The following ZSCAN5C variants were observed in gnomAD, a reference collection of about 807,000 sequenced individuals.
ZSCAN5C encodes zinc finger and SCAN domain containing 5C.
Under a neutral mutation model 17.3 loss-of-function variants are expected in ZSCAN5C, and 11 were observed. That is an observed-to-expected ratio of 0.64 (90% CI 0.40 to 1.06). The LOEUF is 1.06. Ranked by LOEUF, ZSCAN5C falls within the 50% of genes least tolerant of loss-of-function variation. The pLI, the probability that ZSCAN5C is intolerant of heterozygous loss-of-function variation, is 0.00. For synonymous variants in ZSCAN5C, 229 were observed against 208.4 expected, an observed-to-expected ratio of 1.10 and a Z score of -0.85; for missense variants, 698 against 538.9, an observed-to-expected ratio of 1.30 and a Z score of -2.92.
At chr19:56,208,339 G>A (rs62120859) in intron 4 of ZSCAN5C, 110 bp from the exon 5 acceptor site, 57,773 of 778,920 alleles carry the variant, frequency 0.074, 2,805 homozygotes, top group Non-Finnish European at 0.093. Flanking sequence ...CAATGTCTTA[G>A]GTTTAAGGTT....
intron 1 of ZSCAN5C, among the ~76,000 whole-genome samples, chr19:56,205,183 A>C (rs941625897): frequency 6.6e-6 from 1 of 151,840 alleles, no homozygotes; most frequent in East Asian, 1.9e-4. Flanking sequence ...AACATGGTGC[A>C]TGTCTTAGTC....
Position 56,202,784 on chromosome 19 carries a change from G to A in ZSCAN5C, c.-128+462G>A, listed in dbSNP as rs75972840. Reference sequence around the variant, plus strand: ...TTGCCCAGGCTGGTCCTGAACTCCTGGGATCAAGCATGCTCCCATCTTGGT... The same window carrying A: ...TTGCCCAGGCTGGTCCTGAACTCCTAGGATCAAGCATGCTCCCATCTTGGT... On this transcript the variant is annotated intron_variant, in intron 1 of 4. Coordinates refer to ENST00000534327, the Ensembl canonical transcript of ZSCAN5C. Among the ~76,000 whole-genome samples the A allele has an allele frequency of 7.2e-3, 1,101 of 152,006 alleles. 34 individuals are homozygous for A. The highest frequency in any genetic ancestry group is 0.026 in the African/African-American group (1,056 of 41,284).
chr19:56,206,210 G>A (rs763499275), exon 2 of ZSCAN5C: 29 of 1,583,894 alleles, frequency 1.8e-5, no homozygotes, highest in Non-Finnish European at 2.3e-5. Flanking sequence ...TGCCCCAGGA[G>A]CTCCAGGTCT....
exon 5 of ZSCAN5C, chr19:56,209,026 C>A (rs773103286): frequency 6.2e-7 from 1 of 1,612,470 alleles, no homozygotes; most frequent in African/African-American, 1.3e-5. Context: ...GGGAGAAGCC[C>A]TTCGAATGTA....
At position 56,202,327 on chromosome 19, in the gene ZSCAN5C, G is replaced by C. The variant is rs1166511505; in HGVS notation, c.-128+5G>C. 2.0e-5 allele frequency: 3 copies of C among 152,418 alleles called. No homozygotes were observed. The highest frequency in any genetic ancestry group is 4.4e-5 in the Non-Finnish European group (3 of 68,378). The allele number at this position is 152,418 out of a possible 1,614,324, so 9.4% of individuals were successfully genotyped here. A position where few individuals can be genotyped will look rare whatever the true frequency, so the allele number is the denominator to read the frequency against. Reference sequence around the variant, plus strand: ...GAGGCAGAAGTCAGGAAGGAGGTAAGTGTCCACTGGGGATGTCTGTGGGGT... The same window carrying C: ...GAGGCAGAAGTCAGGAAGGAGGTAACTGTCCACTGGGGATGTCTGTGGGGT... On this transcript the variant is annotated splice_donor_5th_base_variant and intron_variant, in intron 1 of 4. Transcript: ENST00000534327.
At chr19:56,209,065 G>C in exon 5 of ZSCAN5C, 1 of 1,604,910 alleles carries the variant, frequency 6.2e-7, no homozygotes, top group Non-Finnish European at 8.5e-7. Context: ...TCACCTACAA[G>C]GCAAATCTGA....
chr19:56,209,116 A>C, exon 5 of ZSCAN5C: 2 of 1,560,102 alleles, frequency 1.3e-6, no homozygotes, highest in Non-Finnish European at 1.8e-6. Context: ...AACCCCACAA[A>C]TGTTCCAAGT....
At chr19:56,204,459 G>A (rs1404161387) in intron 1 of ZSCAN5C, among the ~76,000 whole-genome samples, 3 of 151,644 alleles carry the variant, frequency 2.0e-5, no homozygotes, top group Admixed American at 6.6e-5. Flanking sequence ...CCCTGATGAT[G>A]AGTGATGACG....
intron 1 of ZSCAN5C, among the ~76,000 whole-genome samples, chr19:56,202,979 C>T (rs1020161684): frequency 1.3e-5 from 2 of 152,028 alleles, no homozygotes; most frequent in Admixed American, 1.3e-4. Flanking sequence ...ACCTGGGGGT[C>T]CTGTGTGCTG....
At chr19:56,207,971 A>T in intron 3 of ZSCAN5C, 63 bp from the exon 4 acceptor site, 2 of 667,746 alleles carry the variant, frequency 3.0e-6, no homozygotes, top group Non-Finnish European at 5.4e-6. Context: ...GTCAGGAAAA[A>T]GCAGACATGT....
exon 5 of ZSCAN5C, chr19:56,208,452 G>C (rs774611209): frequency 1.5e-6 from 2 of 1,329,358 alleles, no homozygotes; most frequent in South Asian, 2.4e-5. Flanking sequence ...CTTCCAGCAG[G>C]GGTGGTGGGA....
chr19:56,207,076 T>C (rs2032929548), exon 3 of ZSCAN5C: 1 of 728,590 alleles, frequency 1.4e-6, no homozygotes, highest in Non-Finnish European at 2.5e-6. Flanking sequence ...TCAGTTTTCT[T>C]GGCAAGGAAT....
rs539231454 is a variant in ZSCAN5C at position 56,208,562 on chromosome 19, A to G, written c.853A>G (p.Ser285Gly). The G allele has an allele frequency of 1.4e-5, 22 of 1,591,546 alleles. No individual in the cohort carries two copies. The African/African-American group carries it at 3.0e-4, about 22-fold the overall frequency. The change falls in exon 5 of 5, where the codon AGC becomes GGC. Residue 285 changes from serine to glycine, a missense_variant. Transcript: ENST00000534327. Reference sequence around the variant, plus strand: ...TGTGGAGAGAGAAGCTTCGACTCACAGCGGGAGCAGAGGAGACGCTCTGAA... The same window carrying G: ...TGTGGAGAGAGAAGCTTCGACTCACGGCGGGAGCAGAGGAGACGCTCTGAA...
exon 5 of ZSCAN5C, chr19:56,209,172 A>T: frequency 9.9e-7 from 1 of 1,010,810 alleles, no homozygotes. Context: ...CGCCACCAGA[A>T]AACACATCGA....
In ZSCAN5C at chr19:56,207,877, C is replaced by T. The variant is rs938593618; in HGVS notation, c.589-157C>T. On this transcript the variant is annotated intron_variant, in intron 3 of 4. Transcript: ENST00000534327. ...TTCCAGCGTCAGGGGCAAGGAGATG[C>T]TGGCACAGCGGGGAGAAATATGCCC... 6.6e-5 allele frequency among the ~76,000 whole-genome samples: 10 copies of T among 151,958 alleles called. 1 individual carries two copies. The highest frequency in any genetic ancestry group is 6.2e-4 in the South Asian group (3 of 4,822).
chr19:56,205,024 T>C lies in ZSCAN5C; in HGVS notation c.-127-763T>C, dbSNP rs144518410. On this transcript the variant is annotated intron_variant, in intron 1 of 4. Coordinates refer to ENST00000534327, the Ensembl canonical transcript of ZSCAN5C. Reference sequence around the variant, plus strand: ...CCATTTTCTGAGATGAGATTAGGAATAGAGAAACCCTTAGAGACAGAAGGT... The same window carrying C: ...CCATTTTCTGAGATGAGATTAGGAACAGAGAAACCCTTAGAGACAGAAGGT... Among the ~76,000 whole-genome samples the C allele has an allele frequency of 1.0e-3, 146 of 139,654 alleles. 4 individuals carry two copies. The East Asian group carries it at 0.026, about 25-fold the overall frequency. 91.6% of individuals were successfully genotyped at this position (139,654 alleles called of 152,430 possible).
At chr19:56,208,711 T>C (rs1263852219) in exon 5 of ZSCAN5C, 1 of 1,612,622 alleles carries the variant, frequency 6.2e-7, no homozygotes, top group Non-Finnish European at 8.5e-7. Flanking sequence ...ATCCAGTTCA[T>C]TCCCCAGGCC....
At chr19:56,203,109 AC>A (rs2032887899) in intron 1 of ZSCAN5C, among the ~76,000 whole-genome samples, 1 of 151,584 alleles carries the variant, frequency 6.6e-6, no homozygotes, top group South Asian at 2.1e-4. Flanking sequence ...AGGAACATGA[AC>A]CCCTTTTTTT....
rs143310379 is a variant in ZSCAN5C, at chr19:56,207,239, G to A, written c.565G>A (p.Val189Ile). ...CCAAGAGCTGCAGACCCTGCCCAGG[G>A]TCCCTGCACTGTTCAGGAGGCAGGT... Residue 189 changes from valine to isoleucine, a missense_variant, in exon 3 of 5, where the codon GTC becomes ATC. Transcript: ENST00000534327. The A allele has an allele frequency of 3.2e-3, 2,516 of 779,012 alleles. 59 individuals carry two copies. In the East Asian group the frequency reaches 0.054, roughly 17 times the overall value. 48.3% of individuals were successfully genotyped at this position (779,012 alleles called of 1,614,324 possible). A position where few individuals can be genotyped will look rare whatever the true frequency, so the allele number is the denominator to read the frequency against.
Sources: allele counts gnomAD v4.1 joint callset (sites outside exome capture counted in the v4.1 genomes callset), GRCh38; gene constraint gnomAD v4.1.1; transcripts MANE v1.5; gene names NCBI Gene and HGNC (gene_info 2026-07-23, HGNC 2026-07-21).